HMX1: variants seen among roughly 807,000 people sequenced by gnomAD.
HMX1 encodes homeobox protein HMX1.
A neutral mutation model predicts 8.9 loss-of-function variants in HMX1; 8 were observed. The observed-to-expected ratio is 0.90, with a 90% CI of 0.53 to 1.63. The LOEUF (loss-of-function observed/expected upper bound fraction) is 1.63, where lower values mean the gene tolerates loss of function less well. Among genes scored for constraint, HMX1 ranks in the 40% most tolerant of loss-of-function variants. The pLI is 0.00. For synonymous variants in HMX1, 311 were observed against 283.4 expected (o/e 1.10, Z -0.98); for missense variants, 621 against 558.5 (o/e 1.11, Z -1.13).
At chr4:8,863,278 T>G (rs953460300), downstream of HMX1, among the ~76,000 whole-genome samples, 3 of 152,260 alleles carry the variant, frequency 2.0e-5, no homozygotes, top group Non-Finnish European at 2.9e-5. Flanking sequence ...AGAACCCCGG[T>G]TTCCCTTTCC....
At chr4:8,863,243 G>C (rs997493132), downstream of HMX1, among the ~76,000 whole-genome samples, 1 of 152,198 alleles carries the variant, frequency 6.6e-6, no homozygotes, top group African/African-American at 2.4e-5. Flanking sequence ...CAGTGCCACC[G>C]TGCTCCAGAA....
At chr4:8,865,555 G>T (rs943942286), downstream of HMX1, among the ~76,000 whole-genome samples, 1 of 152,074 alleles carries the variant, frequency 6.6e-6, no homozygotes, top group African/African-American at 2.4e-5. Context: ...GATGTGTCCC[G>T]GTGACTGGGT....
At chr4:8,865,182 G>A (rs1721955741), downstream of HMX1, among the ~76,000 whole-genome samples, 1 of 152,212 alleles carries the variant, frequency 6.6e-6, no homozygotes, top group Non-Finnish European at 1.5e-5. Context: ...GAGGACCTGG[G>A]CGCCACCACT....
chr4:8,856,482 G>C (rs1359362245), intron 1 of HMX1, among the ~76,000 whole-genome samples: 2 of 152,088 alleles, frequency 1.3e-5, no homozygotes, highest in Non-Finnish European at 2.9e-5. Flanking sequence ...AGAAGAGGCC[G>C]GGCAGGGGAA....
chr4:8,851,300 C>T (rs1234566024), intron 1 of HMX1, among the ~76,000 whole-genome samples: 1 of 152,228 alleles, frequency 6.6e-6, no homozygotes, highest in African/African-American at 2.4e-5. Flanking sequence ...TTCTTTCCCA[C>T]AGGCTGTGCT....
Position 8,871,304 on chromosome 4 carries a change from G to T in HMX1, c.311C>A (p.Pro104Gln). 1 of 1,414,564 alleles carries T rather than the reference G, an allele frequency of 7.1e-7. No individual in the cohort carries two copies. The highest frequency in any genetic ancestry group is 9.2e-7 in the Non-Finnish European group (1 of 1,091,692). The allele number at this position is 1,414,564 out of a possible 1,614,324, so 87.6% of individuals were successfully genotyped here. The part of the protein sequence containing the change: ...LGPRPPPGPG[P>Q]PFALGCGGAA... ...GCCTCCGCAGCCCAGAGCGAAGGGCGGCCCGGGACCGGGGGGCGGCCGAGG... is the reference window on the plus strand; with the variant it reads ...GCCTCCGCAGCCCAGAGCGAAGGGCTGCCCGGGACCGGGGGGCGGCCGAGG... The change falls in exon 1 of 2, where the codon CCG becomes CAG. Residue 104 changes from proline (P) to glutamine (Q), a missense_variant. Pro to Gln is a moderately conservative substitution (Grantham distance 76). Transcript: ENST00000400677. This position sits in a 1 kb window ranked among gnomAD's most constrained non-coding sequence, Gnocchi z 4.8.
chr4:8,846,320 T>C, exon 2 of HMX1: 1 of 1,534,724 alleles, frequency 6.5e-7, no homozygotes, highest in Non-Finnish European at 8.7e-7. Context: ...TAATCTTCTG[T>C]GTGCCTGCAG....
chr4:8,862,880 C>G (rs1721874288), downstream of HMX1, among the ~76,000 whole-genome samples: 1 of 152,238 alleles, frequency 6.6e-6, no homozygotes, highest in South Asian at 2.1e-4. Flanking sequence ...TCCTTCCGTG[C>G]ATGACACGCA....
At chr4:8,851,238 C>A (rs941276003) in intron 1 of HMX1, among the ~76,000 whole-genome samples, 1 of 152,192 alleles carries the variant, frequency 6.6e-6, no homozygotes, top group Non-Finnish European at 1.5e-5. Flanking sequence ...GGGTTCGGGT[C>A]TTCGTGGCAG....
At position 8,855,547 on chromosome 4, in the gene HMX1, C is replaced by T. The variant is rs139591014; in HGVS notation, c.395-9223G>A. ...GTGCCCTGGACAGATGGCCAGCTGC[C>T]GGGTGACCCACCAGGTGCAAGAGTT... On this transcript the variant is annotated intron_variant, in intron 1 of 1. Transcript: ENST00000506970. 4.4e-3 allele frequency among the ~76,000 whole-genome samples: 666 copies of T among 152,208 alleles called. 3 individuals are homozygous for T. Among genetic ancestry groups the T allele is most frequent in the Middle Eastern group, 0.037 (11 of 294 alleles).
intron 1 of HMX1, among the ~76,000 whole-genome samples, chr4:8,857,423 T>C (rs1333721542): frequency 6.6e-6 from 1 of 152,138 alleles, no homozygotes; most frequent in East Asian, 1.9e-4. Context: ...GCCTCCGCTT[T>C]CTCCTTCCTC....
intron 1 of HMX1, among the ~76,000 whole-genome samples, chr4:8,855,147 G>A (rs910436462): frequency 1.1e-4 from 16 of 152,246 alleles, no homozygotes; most frequent in Admixed American, 9.8e-4. Context: ...ACGCAGATGA[G>A]CCCGTCAGGC....
At chr4:8,862,031 C>T (rs1351070980) in intron 1 of HMX1, among the ~76,000 whole-genome samples, 2 of 152,246 alleles carry the variant, frequency 1.3e-5, no homozygotes, top group African/African-American at 4.8e-5. Context: ...GATATGTCCT[C>T]GACGCGGTCT....
chr4:8,868,304 GGCCCATCTCCTC>G lies in HMX1; in HGVS notation c.424_435del (p.Glu142_Gly145del). ...CCTCGCGGCCAGGCGCCCTCCGCACGGCCCATCTCCTCGCCCGTCTCCGGTGAGTCCCGGTCG... is the reference window on the plus strand; with the variant it reads ...CCTCGCGGCCAGGCGCCCTCCGCACGGCCCGTCTCCGGTGAGTCCCGGTCG... On this transcript the variant is annotated inframe_deletion, in exon 2 of 2. Coordinates refer to ENST00000400677, the MANE Select transcript of HMX1 (RefSeq NM_018942.3). The surrounding 1 kb of genome is among the most constrained non-coding windows in gnomAD (Gnocchi z 4.6). 7.0e-7 allele frequency: 1 copy of G among 1,437,992 alleles called. No homozygotes were observed. The highest frequency in any genetic ancestry group is 9.1e-7 in the Non-Finnish European group (1 of 1,101,008). The allele number at this position is 1,437,992 out of a possible 1,614,324, so 89.1% of individuals were successfully genotyped here. A position where few individuals can be genotyped will look rare whatever the true frequency, so the allele number is the denominator to read the frequency against.
intron 1 of HMX1, among the ~76,000 whole-genome samples, chr4:8,846,612 G>A (rs2109450163): frequency 6.6e-6 from 1 of 152,310 alleles, no homozygotes; most frequent in Admixed American, 6.5e-5. Flanking sequence ...ATAGGGTGAA[G>A]TGCCACCTGC....
At chr4:8,857,062 C>A (rs1721628402) in intron 1 of HMX1, among the ~76,000 whole-genome samples, 1 of 152,202 alleles carries the variant, frequency 6.6e-6, no homozygotes, top group South Asian at 2.1e-4. Context: ...CCAGCCTGGG[C>A]GACACAGCGG....
intron 1 of HMX1, among the ~76,000 whole-genome samples, chr4:8,859,679 A>T (rs1391184643): frequency 1.3e-5 from 2 of 152,146 alleles, no homozygotes; most frequent in African/African-American, 4.8e-5. Flanking sequence ...ATGGGGACAG[A>T]GTCTCTGCCT....
At chr4:8,851,747 C>T (rs1156584874) in intron 1 of HMX1, among the ~76,000 whole-genome samples, 2 of 152,242 alleles carry the variant, frequency 1.3e-5, no homozygotes, top group East Asian at 3.9e-4. Context: ...AAAACAGGAG[C>T]CTGAAGTCTA....
chr4:8,868,426 T>A lies in HMX1; in HGVS notation c.395-81A>T. The stretch of plus-strand genomic sequence containing the variant: ...ATCACTGAGGCCAGCCGTCCCCACC[T>A]TGAGGTCGCTCACAGCCACAAGCAG... On this transcript the variant is annotated intron_variant, in intron 1 of 1. Transcript: ENST00000400677. The surrounding 1 kb of genome is among the most constrained non-coding windows in gnomAD (Gnocchi z 4.6). 1 of 1,102,980 alleles carries A rather than the reference T, an allele frequency of 9.1e-7. No individual in the cohort carries two copies. The highest frequency in any genetic ancestry group is 1.2e-6 in the Non-Finnish European group (1 of 863,376). 68.3% of individuals were successfully genotyped at this position (1,102,980 alleles called of 1,614,324 possible). A position where few individuals can be genotyped will look rare whatever the true frequency, so the allele number is the denominator to read the frequency against.
Sources: gnomAD v4.1 joint callset for allele counts (sites outside exome capture counted in the v4.1 genomes callset) on GRCh38, gnomAD v4.1.1 for gene constraint, Gnocchi (gnomAD v3.1) non-coding constraint, MANE v1.5 for transcripts, NCBI Gene and HGNC (gene_info 2026-07-23, HGNC 2026-07-21) for gene names.